The following BRAF variants were observed in gnomAD, a reference collection of about 807,000 sequenced individuals.
BRAF encodes B-Raf proto-oncogene, serine/threonine kinase.
A neutral mutation model predicts 104.6 loss-of-function variants in BRAF; 16 were observed. That is an observed-to-expected ratio of 0.15 (90% CI 0.10 to 0.23). The LOEUF (loss-of-function observed/expected upper bound fraction) is 0.23. Ranked by LOEUF, BRAF falls within the 10% of genes least tolerant of loss-of-function variation. The probability of loss-of-function intolerance (pLI) is 1.00; values close to 1 mark genes in which losing one functional copy is unlikely to be tolerated. For missense variants in BRAF, 541 were observed against 937.3 expected (o/e 0.58, Z 5.52); for synonymous variants, 310 against 341.6 (o/e 0.91, Z 1.02).
chr7:140,713,824 A>G, the BRAF span, among the ~76,000 whole-genome samples: 2 of 152,100 alleles, frequency 1.3e-5, no homozygotes, highest in African/African-American at 4.8e-5. Context: ...TTTCCTTCTA[A>G]CAGACAGGAC....
chr7:140,901,711 T>C (rs761583483), intron 1 of BRAF, among the ~76,000 whole-genome samples: 1 of 152,256 alleles, frequency 6.6e-6, no homozygotes, highest in Non-Finnish European at 1.5e-5. Flanking sequence ...AGATTTTGTA[T>C]ATCTGAAGTA....
rs760123162 is a variant in BRAF at position 140,724,743 on chromosome 7, G to A, written c.*1751C>T. 1.8e-5 allele frequency: 19 copies of A among 1,033,772 alleles called. No individual in the cohort carries two copies. Among genetic ancestry groups the A allele is most frequent in the Non-Finnish European group, 2.2e-5 (19 of 859,406 alleles). 64.0% of individuals were successfully genotyped at this position (1,033,772 alleles called of 1,614,324 possible). A position where few individuals can be genotyped will look rare whatever the true frequency, so the allele number is the denominator to read the frequency against. On this transcript the variant is annotated 3_prime_UTR_variant, in exon 20 of 20. Transcript: ENST00000644969. Reference sequence around the variant, plus strand: ...ATTTCTAATTCCTTGATTTATTCTGGGTCTTGTTTAATTTCTTTCAAGTCC... The same window carrying A: ...ATTTCTAATTCCTTGATTTATTCTGAGTCTTGTTTAATTTCTTTCAAGTCC...
At chr7:140,794,771 A>G (rs1417785799) in intron 7 of BRAF, among the ~76,000 whole-genome samples, 2 of 152,218 alleles carry the variant, frequency 1.3e-5, no homozygotes, top group Non-Finnish European at 2.9e-5. Flanking sequence ...AAGAAGTTCA[A>G]CCTTTGAAGT....
intron 19 of BRAF, among the ~76,000 whole-genome samples, chr7:140,727,911 A>G (rs1037931867): frequency 2.6e-5 from 4 of 152,140 alleles, no homozygotes; most frequent in South Asian, 2.1e-4. Context: ...ATGAGCCACC[A>G]TGCCCGGCCA....
chr7:140,793,113 G>A (rs1192344209), intron 8 of BRAF, among the ~76,000 whole-genome samples: 4 of 152,188 alleles, frequency 2.6e-5, no homozygotes, highest in East Asian at 3.8e-4. Flanking sequence ...GACTGGTTAC[G>A]AGAGAGGATG....
At position 140,817,358 on chromosome 7, in the gene BRAF, T is replaced by C. The variant is rs373038895; in HGVS notation, c.505-8363A>G. 3.6e-4 allele frequency among the ~76,000 whole-genome samples: 55 copies of C among 152,276 alleles called. No individual in the cohort carries two copies. In the East Asian group the frequency reaches 7.5e-3, roughly 21 times the overall value. ...TGTTCATGGACTGGAAGAATCAATA[T>C]TGCTAAAGTGTCCATACTACCCAAA... On this transcript the variant is annotated intron_variant, in intron 3 of 19. Transcript: ENST00000644969.
At chr7:140,742,721 T>C (rs1008258920) in intron 17 of BRAF, among the ~76,000 whole-genome samples, 1 of 152,040 alleles carries the variant, frequency 6.6e-6, no homozygotes, top group Non-Finnish European at 1.5e-5. Context: ...AATTGACAAA[T>C]GGGATCTAAC....
At chr7:140,830,290 G>A (rs987053540) in intron 3 of BRAF, among the ~76,000 whole-genome samples, 6 of 152,166 alleles carry the variant, frequency 3.9e-5, no homozygotes, top group Middle Eastern at 3.2e-3. Context: ...ACTTACTCCT[G>A]TACAGTTGTA....
At position 140,892,328 on chromosome 7, in the gene BRAF, C is replaced by T. The variant is rs1014307726; in HGVS notation, c.138+32238G>A. ...TTCTCAACCATTACTATGCTAATAT[C>T]CAATTATGAAATCCCAAAAGGGGAG... On this transcript the variant is annotated intron_variant, in intron 1 of 19. Coordinates refer to ENST00000644969, the MANE Select transcript of BRAF (RefSeq NM_001374258.1). 3.9e-5 allele frequency among the ~76,000 whole-genome samples: 6 copies of T among 152,264 alleles called. No homozygotes were observed. The East Asian group carries it at 1.2e-3, about 29-fold the overall frequency.
chr7:140,729,190 G>T (rs1004181462), intron 19 of BRAF, among the ~76,000 whole-genome samples: 1 of 151,862 alleles, frequency 6.6e-6, no homozygotes, highest in Non-Finnish European at 1.5e-5. Flanking sequence ...AGCCAGGATT[G>T]TACCACTGCA....
At chr7:140,907,239 CA>C (rs1255801254) in intron 1 of BRAF, among the ~76,000 whole-genome samples, 3 of 152,074 alleles carry the variant, frequency 2.0e-5, no homozygotes, top group Admixed American at 1.3e-4. Context: ...TGGTTTTTTG[CA>C]AATCTATTAA....
intron 8 of BRAF, among the ~76,000 whole-genome samples, chr7:140,788,946 C>G (rs1291945767): frequency 1.3e-5 from 2 of 150,610 alleles, no homozygotes; most frequent in Non-Finnish European, 3.0e-5. Flanking sequence ...TGCGGTGGCT[C>G]AAGCCTGTAA....
intron 12 of BRAF, chr7:140,780,726 C>G (rs1442138193): frequency 2.0e-5 from 3 of 152,144 alleles, no homozygotes; most frequent in Non-Finnish European, 4.4e-5. Context: ...TTATCCAATT[C>G]TCTATTAGTT....
chr7:140,863,691 A>T (rs1295975635), intron 1 of BRAF, among the ~76,000 whole-genome samples: 2 of 152,110 alleles, frequency 1.3e-5, no homozygotes, highest in African/African-American at 4.8e-5. Flanking sequence ...CCTTTTGATG[A>T]GTGAGTTCTC....
At chr7:140,739,197 TAATAAC>T (rs1319500651) in intron 18 of BRAF, among the ~76,000 whole-genome samples, 1 of 152,168 alleles carries the variant, frequency 6.6e-6, no homozygotes, top group Admixed American at 6.5e-5. Flanking sequence ...ACTATTTTTG[TAATAAC>T]AATAAGATAT....
chr7:140,900,881 G>A (rs186946606), intron 1 of BRAF, among the ~76,000 whole-genome samples: 1 of 152,208 alleles, frequency 6.6e-6, no homozygotes, highest in Non-Finnish European at 1.5e-5. Flanking sequence ...AAAGTGCTGA[G>A]ATTACAGCCA....
chr7:140,820,324 T>C (rs554715419), intron 3 of BRAF, among the ~76,000 whole-genome samples: 46 of 152,328 alleles, frequency 3.0e-4, no homozygotes, highest in African/African-American at 1.1e-3. Flanking sequence ...GTATATTCTA[T>C]GACCCAATAA....
In BRAF at chr7:140,734,773, A is replaced by T; in HGVS notation, c.2248-3T>A. The T allele has an allele frequency of 6.7e-7, 1 of 1,502,518 alleles. No individual in the cohort carries two copies. The allele number at this position is 1,502,518 out of a possible 1,614,324, so 93.1% of individuals were successfully genotyped here. A position where few individuals can be genotyped will look rare whatever the true frequency, so the allele number is the denominator to read the frequency against. On this transcript the variant is annotated splice_polypyrimidine_tract_variant and splice_region_variant and intron_variant, in intron 18 of 19. Coordinates refer to ENST00000644969, the MANE Select transcript of BRAF (RefSeq NM_001374258.1). The stretch of plus-strand genomic sequence containing the variant: ...AGCAGCTCAATAGAGGCGAGAATCT[A>T]CAAAAAAAAAAAGAAAAAAAAAAGA...
intron 6 of BRAF, among the ~76,000 whole-genome samples, 197 bp from the exon 7 acceptor site, chr7:140,800,678 TAAAAC>T (rs1463363395): frequency 6.6e-6 from 1 of 152,198 alleles, no homozygotes; most frequent in Admixed American, 6.5e-5. Context: ...GCTTATAACT[TAAAAC>T]TAATCATTCA....
Sources: gnomAD v4.1 joint callset for allele counts (sites outside exome capture counted in the v4.1 genomes callset) on GRCh38, gnomAD v4.1.1 for gene constraint, MANE v1.5 for transcripts, NCBI Gene and HGNC (gene_info 2026-07-23, HGNC 2026-07-21) for gene names.